TAFA5: variants seen among roughly 807,000 people sequenced by gnomAD.
TAFA5 encodes the protein TAFA chemokine like family member 5.
A neutral mutation model predicts 15.3 loss-of-function variants in TAFA5; 6 were observed. The ratio of observed to expected loss-of-function variants is 0.39; its 90% confidence interval spans 0.21 to 0.77. The LOEUF (loss-of-function observed/expected upper bound fraction) is 0.77. TAFA5 is among the 30% of genes least tolerant of loss of function. The probability of loss-of-function intolerance (pLI) is 0.41; values close to 1 mark genes in which losing one functional copy is unlikely to be tolerated. For missense variants in TAFA5, 161 were observed against 193.1 expected (o/e 0.83, Z 0.98); for synonymous variants, 103 against 80.7 (o/e 1.28, Z -1.48).
intron 2 of TAFA5, among the ~76,000 whole-genome samples, chr22:48,691,730 A>C (rs1033578204): frequency 2.6e-5 from 4 of 152,188 alleles, no homozygotes; most frequent in Admixed American, 6.5e-5. Flanking sequence ...GCTCAGGAGG[A>C]AGGCCAGGTG....
intron 1 of TAFA5, among the ~76,000 whole-genome samples, chr22:48,513,212 G>T (rs1271121030): frequency 6.6e-6 from 1 of 152,198 alleles, no homozygotes; most frequent in Non-Finnish European, 1.5e-5. Context: ...TCCTCACTCC[G>T]CATTGGTGAT....
intron 1 of TAFA5, among the ~76,000 whole-genome samples, chr22:48,589,505 C>G (rs1924482641): frequency 6.6e-6 from 1 of 151,062 alleles, no homozygotes; most frequent in African/African-American, 2.4e-5. Context: ...TCCCCAAAGA[C>G]AGAGCCACCT....
At chr22:48,736,348 A>G (rs1291336320) in intron 3 of TAFA5, among the ~76,000 whole-genome samples, 154 of 24,148 alleles carry the variant, frequency 6.4e-3, no homozygotes, top group Non-Finnish European at 9.4e-3. Flanking sequence ...CCCAGGAGGA[A>G]TGAGAATCGC....
chr22:48,581,738 T>C (rs1017326369), intron 1 of TAFA5, among the ~76,000 whole-genome samples: 1 of 152,188 alleles, frequency 6.6e-6, no homozygotes, highest in Non-Finnish European at 1.5e-5. Flanking sequence ...TGCTCATAGG[T>C]GTTCATATCA....
At chr22:48,708,016 TGACCATCTG>T (rs1929136675) in intron 3 of TAFA5, among the ~76,000 whole-genome samples, 172 bp downstream of exon 3, 1 of 14,662 alleles carries the variant, frequency 6.8e-5, no homozygotes, top group Non-Finnish European at 1.7e-4. Context: ...GCTAAATTCC[TGACCATCTG>T]TCCTGGGGCA....
chr22:48,704,733 C>T lies in TAFA5; in HGVS notation c.263-2984C>T, dbSNP rs144758648. ...TTCCTCACCTGACTCTTCAGGTGAA[C>T]GAGGGATGTTCCCATGTCTCCTGGT... On this transcript the variant is annotated intron_variant, in intron 2 of 3. Coordinates refer to ENST00000402357, the MANE Select transcript of TAFA5 (RefSeq NM_001082967.3). Among the ~76,000 whole-genome samples, 696 of 152,118 alleles carry T rather than the reference C, an allele frequency of 4.6e-3. 5 individuals carry two copies. Among genetic ancestry groups the T allele is most frequent in the Non-Finnish European group, 6.6e-3 (446 of 67,992 alleles).
intron 3 of TAFA5, among the ~76,000 whole-genome samples, chr22:48,734,534 T>C (rs1929954376): frequency 6.6e-6 from 1 of 152,256 alleles, no homozygotes; most frequent in African/African-American, 2.4e-5. Flanking sequence ...GTCTGGGCTC[T>C]GGGCAGTGTG....
At chr22:48,519,662 G>T (rs1472772529) in intron 1 of TAFA5, among the ~76,000 whole-genome samples, 1 of 152,194 alleles carries the variant, frequency 6.6e-6, no homozygotes, top group African/African-American at 2.4e-5. Flanking sequence ...GAAACTGGGG[G>T]CGGTGGCGGG....
intron 1 of TAFA5, among the ~76,000 whole-genome samples, chr22:48,531,766 A>C (rs1367066098): frequency 1.3e-5 from 2 of 152,178 alleles, no homozygotes; most frequent in African/African-American, 4.8e-5. Flanking sequence ...GACTGCCCCC[A>C]GGACTGCACT....
chr22:48,531,659 G>T (rs1337778312), intron 1 of TAFA5, among the ~76,000 whole-genome samples: 1 of 149,936 alleles, frequency 6.7e-6, no homozygotes, highest in Non-Finnish European at 1.5e-5. Context: ...AATGCCTTTA[G>T]ACCCCCAGCG....
At chr22:48,504,593 C>T (rs1401505511) in intron 1 of TAFA5, among the ~76,000 whole-genome samples, 4 of 152,124 alleles carry the variant, frequency 2.6e-5, no homozygotes, top group Non-Finnish European at 5.9e-5. Flanking sequence ...GGGAAGGACA[C>T]AGAGCTTCAC....
chr22:48,726,882 A>G (rs1466688055), intron 3 of TAFA5, among the ~76,000 whole-genome samples: 1 of 152,178 alleles, frequency 6.6e-6, no homozygotes, highest in Admixed American at 6.5e-5. Flanking sequence ...CACGTTCCAT[A>G]GGACGGGCTG....
intron 1 of TAFA5, among the ~76,000 whole-genome samples, chr22:48,555,046 CTG>C (rs1922985284): frequency 6.6e-6 from 1 of 152,208 alleles, no homozygotes; most frequent in South Asian, 2.1e-4. Context: ...GTTCCAGTGG[CTG>C]TCATGGCAGC....
At chr22:48,693,535 G>T (rs1928607596) in intron 2 of TAFA5, among the ~76,000 whole-genome samples, 1 of 152,182 alleles carries the variant, frequency 6.6e-6, no homozygotes, top group Non-Finnish European at 1.5e-5. Context: ...CCCGCAGGAG[G>T]GGCGGCTGGG....
chr22:48,655,830 C>CTTTTTTTTTTTTTTT (rs1197219539), intron 2 of TAFA5, among the ~76,000 whole-genome samples: 13 of 62,410 alleles, frequency 2.1e-4, no homozygotes, highest in East Asian at 6.5e-4. Context: ...AACACTGATT[C>CTTTTTTTTTTTTTTT]TTTTTTTTTT....
In TAFA5 at chr22:48,577,523, G is replaced by T. The variant is rs562533006; in HGVS notation, c.113-69074G>T. Among the ~76,000 whole-genome samples the T allele has an allele frequency of 4.6e-5, 7 of 152,342 alleles. No homozygotes were observed. In the South Asian group the frequency reaches 1.0e-3, roughly 23 times the overall value. ...CTCCGCCTGGTGCTCCCCTTGGTCC[G>T]CTGGGAAGGCTGAGCACCGGAGGGC... On this transcript the variant is annotated intron_variant, in intron 1 of 3. Coordinates refer to ENST00000402357, the MANE Select transcript of TAFA5 (RefSeq NM_001082967.3).
At chr22:48,630,686 C>T (rs867803582) in intron 1 of TAFA5, among the ~76,000 whole-genome samples, 5 of 152,318 alleles carry the variant, frequency 3.3e-5, no homozygotes, top group Middle Eastern at 3.4e-3. Context: ...CGCCCTCCAT[C>T]AGGGGCCGCC....
intron 2 of TAFA5, among the ~76,000 whole-genome samples, chr22:48,654,112 C>T (rs1002690529): frequency 2.0e-5 from 3 of 151,990 alleles, no homozygotes; most frequent in Non-Finnish European, 2.9e-5. Flanking sequence ...ACGTTGGCGC[C>T]GCGGCTCTGG....
intron 1 of TAFA5, among the ~76,000 whole-genome samples, chr22:48,635,975 C>T (rs1167558364): frequency 6.6e-6 from 1 of 152,240 alleles, no homozygotes; most frequent in African/African-American, 2.4e-5. Context: ...GGGTCCAGGG[C>T]GCCTTCCTCC....
Sources: gnomAD v4.1 joint callset for allele counts (sites outside exome capture counted in the v4.1 genomes callset) on GRCh38, gnomAD v4.1.1 for gene constraint, MANE v1.5 for transcripts, NCBI Gene and HGNC (gene_info 2026-07-23, HGNC 2026-07-21) for gene names.